HLCS: variants seen among roughly 807,000 people sequenced by gnomAD.
HLCS encodes biotin--protein ligase.
In HLCS, 53 loss-of-function variants were observed where a neutral mutation model predicts 75.0. The observed-to-expected ratio is 0.71, with a 90% CI of 0.57 to 0.89. The LOEUF (loss-of-function observed/expected upper bound fraction) is 0.89, where lower values mean the gene tolerates loss of function less well. Among genes scored for constraint, HLCS ranks in the 40% least tolerant of loss-of-function variants. HLCS has a pLI of 0.00. For synonymous variants in HLCS, 431 were observed against 428.6 expected, an observed-to-expected ratio of 1.01 and a Z score of -0.07; for missense variants, 966 against 1,074.0, an observed-to-expected ratio of 0.90 and a Z score of 1.41.
chr21:36,986,491 T>G (rs1259376952), intron 1 of HLCS, among the ~76,000 whole-genome samples: 2 of 152,214 alleles, frequency 1.3e-5, no homozygotes, highest in Non-Finnish European at 2.9e-5. Context: ...CGATCTCAGC[T>G]CACCACAACC....
chr21:36,834,088 C>G (rs1218373079), intron 6 of HLCS, among the ~76,000 whole-genome samples: 3 of 152,234 alleles, frequency 2.0e-5, no homozygotes, highest in Non-Finnish European at 2.9e-5. Flanking sequence ...GCGAGGGTTC[C>G]ACAGGGCTCA....
chr21:36,791,733 G>A (rs944079182), intron 6 of HLCS, among the ~76,000 whole-genome samples: 1 of 152,062 alleles, frequency 6.6e-6, no homozygotes, highest in Non-Finnish European at 1.5e-5. Flanking sequence ...CCACGGAAGC[G>A]GGTGCCACGG....
Position 36,906,936 on chromosome 21 carries a change from G to A in HLCS, c.1621-9805C>T, listed in dbSNP as rs900568582. On this transcript the variant is annotated intron_variant, in intron 5 of 10. Coordinates refer to ENST00000674895, the MANE Select transcript of HLCS (RefSeq NM_001352514.2). The stretch of plus-strand genomic sequence containing the variant: ...TTTTTTTTAATTTTTTTGAGACAGC[G>A]TCTTGCGCTACCACCCAGTGGGGAG... Among the ~76,000 whole-genome samples the A allele has an allele frequency of 3.9e-5, 6 of 152,178 alleles. No homozygotes were observed. In the South Asian group the frequency reaches 8.3e-4, roughly 21 times the overall value.
At chr21:36,914,306 T>C (rs1245528534) in intron 5 of HLCS, among the ~76,000 whole-genome samples, 2 of 152,198 alleles carry the variant, frequency 1.3e-5, no homozygotes, top group Non-Finnish European at 2.9e-5. Context: ...GATCTAGCGA[T>C]GAGCCCAAAT....
intron 5 of HLCS, among the ~76,000 whole-genome samples, chr21:36,917,868 G>A (rs911081334): frequency 2.0e-5 from 3 of 151,514 alleles, no homozygotes; most frequent in African/African-American, 7.3e-5. Context: ...GGAGGTGACT[G>A]GGGAAGCTGC....
chr21:36,945,849 C>A (rs1361188455), intron 2 of HLCS, among the ~76,000 whole-genome samples: 1 of 152,152 alleles, frequency 6.6e-6, no homozygotes, highest in African/African-American at 2.4e-5. Flanking sequence ...AGAGTCCAGG[C>A]AGTTTGTTTG....
intron 6 of HLCS, among the ~76,000 whole-genome samples, chr21:36,807,554 G>C (rs554449412): frequency 6.6e-6 from 1 of 152,276 alleles, no homozygotes; most frequent in African/African-American, 2.4e-5. Flanking sequence ...GCCTGGTGTG[G>C]CTGCTGCCAC....
chr21:36,981,387 TAACC>T (rs1177764059), intron 1 of HLCS, among the ~76,000 whole-genome samples: 1 of 148,452 alleles, frequency 6.7e-6, no homozygotes, highest in East Asian at 2.0e-4. Context: ...TATTAACTCT[TAACC>T]TTCCTTTTTT....
chr21:36,762,482 G>A (rs2089885687), intron 8 of HLCS, among the ~76,000 whole-genome samples: 1 of 152,160 alleles, frequency 6.6e-6, no homozygotes, highest in African/African-American at 2.4e-5. Flanking sequence ...CAGCGAGGCC[G>A]CCTTGGGTCT....
chr21:36,871,537 G>T lies in HLCS; in HGVS notation c.1892+25323C>A, dbSNP rs547465624. On this transcript the variant is annotated intron_variant, in intron 6 of 10. Transcript: ENST00000674895. ...CCATGCAACAAGGGCTACCAAAAACGCTACGAAAATACAATTTCCATCAAT... is the reference window on the plus strand; with the variant it reads ...CCATGCAACAAGGGCTACCAAAAACTCTACGAAAATACAATTTCCATCAAT... 3.9e-5 allele frequency among the ~76,000 whole-genome samples: 6 copies of T among 151,922 alleles called. No individual in the cohort carries two copies. The East Asian group carries it at 1.2e-3, about 29-fold the overall frequency.
intron 6 of HLCS, among the ~76,000 whole-genome samples, chr21:36,883,364 C>T (rs1334498047): frequency 6.6e-6 from 1 of 152,270 alleles, no homozygotes; most frequent in South Asian, 2.1e-4. Flanking sequence ...AGGAAAAATA[C>T]CTGCTGGGAT....
chr21:36,760,469 G>T (rs1363900708), intron 8 of HLCS, among the ~76,000 whole-genome samples: 1 of 152,120 alleles, frequency 6.6e-6, no homozygotes, highest in African/African-American at 2.4e-5. Context: ...AATTAGCTGG[G>T]TGTGGTGGTG....
Position 36,898,835 on chromosome 21 carries a change from C to T in HLCS, c.1621-1704G>A, listed in dbSNP as rs972632696. On this transcript the variant is annotated intron_variant, in intron 5 of 10. Coordinates refer to ENST00000674895, the MANE Select transcript of HLCS (RefSeq NM_001352514.2). Reference sequence around the variant, plus strand: ...CAGCACTTTGGGAGGCTGAGGCAGGCGAATTGCTTGAGCTCAAGAGTCTGA... The same window carrying T: ...CAGCACTTTGGGAGGCTGAGGCAGGTGAATTGCTTGAGCTCAAGAGTCTGA... Among the ~76,000 whole-genome samples the T allele has an allele frequency of 4.6e-5, 7 of 151,866 alleles. No homozygotes were observed. In the East Asian group the frequency reaches 5.8e-4, roughly 13 times the overall value.
At chr21:36,826,980 A>G (rs1176812133) in intron 6 of HLCS, among the ~76,000 whole-genome samples, 1 of 152,210 alleles carries the variant, frequency 6.6e-6, no homozygotes, top group Non-Finnish European at 1.5e-5. Flanking sequence ...AAGAGCAGAA[A>G]AAAAGGAGTC....
chr21:36,897,140 T>C lies in HLCS; in HGVS notation c.1621-9A>G, dbSNP rs374646852. 26 of 1,613,988 alleles carry C rather than the reference T, an allele frequency of 1.6e-5. No individual in the cohort carries two copies. Among genetic ancestry groups the C allele is most frequent in the Non-Finnish European group, 2.2e-5 (26 of 1,180,004 alleles). ...AGAGGATCCCTGATTTCCTGTGTCA[T>C]AAAGAAAGAAATGAGATGGTCGTAA... On this transcript the variant is annotated splice_polypyrimidine_tract_variant and intron_variant, in intron 5 of 10. Coordinates refer to ENST00000674895, the MANE Select transcript of HLCS (RefSeq NM_001352514.2).
intron 6 of HLCS, among the ~76,000 whole-genome samples, chr21:36,787,863 G>A (rs894393352): frequency 6.6e-6 from 1 of 152,114 alleles, no homozygotes; most frequent in African/African-American, 2.4e-5. Flanking sequence ...ACTGTTCCCT[G>A]GCTGATAAAA....
chr21:36,934,215 C>A (rs964348382), intron 4 of HLCS, among the ~76,000 whole-genome samples: 1 of 152,066 alleles, frequency 6.6e-6, no homozygotes, highest in Admixed American at 6.5e-5. Context: ...AAAAATAAGA[C>A]TTTTTAGTTG....
chr21:36,798,109 G>C (rs2061084558), intron 6 of HLCS, among the ~76,000 whole-genome samples: 1 of 152,206 alleles, frequency 6.6e-6, no homozygotes, highest in African/African-American at 2.4e-5. Flanking sequence ...TCCGGGCAGG[G>C]AGAAGAGTAA....
intron 8 of HLCS, among the ~76,000 whole-genome samples, chr21:36,764,757 C>T (rs1018842881): frequency 3.3e-5 from 5 of 152,136 alleles, no homozygotes; most frequent in African/African-American, 4.8e-5. Flanking sequence ...AAGCGTTGCC[C>T]TCATCAGGCT....
Sources: allele counts gnomAD v4.1 joint callset (sites outside exome capture counted in the v4.1 genomes callset), GRCh38; gene constraint gnomAD v4.1.1; transcripts MANE v1.5; gene names NCBI Gene and HGNC (gene_info 2026-07-23, HGNC 2026-07-21).